Variants in FBXO4 observed in about 807,000 individuals in gnomAD.
FBXO4 encodes the protein F-box protein 4, also known as F-box only protein 4.
A neutral mutation model predicts 43.7 loss-of-function variants in FBXO4; 36 were observed. The ratio of observed to expected loss-of-function variants is 0.82; its 90% CI spans 0.63 to 1.09. The LOEUF is 1.09. Ranked by LOEUF, FBXO4 falls within the 50% of genes least tolerant of loss-of-function variation. The pLI, the probability that FBXO4 is intolerant of heterozygous loss-of-function variation, is 0.00. For missense variants in FBXO4, 435 were observed against 474.1 expected, an observed-to-expected ratio of 0.92 and a Z score of 0.77; for synonymous variants, 180 against 165.6, an observed-to-expected ratio of 1.09 and a Z score of -0.67.
intron 5 of FBXO4, among the ~76,000 whole-genome samples, chr5:41,937,304 A>G (rs1751876210): frequency 6.6e-6 from 1 of 152,246 alleles, no homozygotes; most frequent in Non-Finnish European, 1.5e-5. Context: ...CATACAGGCC[A>G]AGATAATAGT....
At chr5:42,025,262 A>G in the FBXO4 span, among the ~76,000 whole-genome samples, 6 of 151,966 alleles carry the variant, frequency 3.9e-5, no homozygotes, top group African/African-American at 1.4e-4. Context: ...CTGGGGTGAG[A>G]TGATATCTCA....
At chr5:42,021,849 A>G in the FBXO4 span, among the ~76,000 whole-genome samples, 5 of 152,186 alleles carry the variant, frequency 3.3e-5, no homozygotes, top group African/African-American at 1.2e-4. Flanking sequence ...GCAACAGAGA[A>G]AGAATAAAAG....
At chr5:42,038,538 C>T in the FBXO4 span, among the ~76,000 whole-genome samples, 5 of 152,062 alleles carry the variant, frequency 3.3e-5, no homozygotes, top group Non-Finnish European at 4.4e-5. Flanking sequence ...GTCATACAAG[C>T]ATACAATGTG....
chr5:41,925,422 T>G lies in FBXO4; in HGVS notation c.113T>G (p.Val38Gly), dbSNP rs1751450155. The change falls in exon 1 of 7, where the codon GTG becomes GGG. Residue 38 changes from valine to glycine, a missense_variant. Physicochemically the swap from Val to Gly is moderately radical, Grantham distance 109 (BLOSUM62 -3). Coordinates refer to ENST00000281623, the MANE Select transcript of FBXO4 (RefSeq NM_012176.3). Reference protein sequence around the residue: ...LSGWKTFWQSVSKERVARTTS... With the variant: ...LSGWKTFWQSGSKERVARTTS... Reference sequence around the variant, plus strand: ...GGCTGGAAGACCTTCTGGCAGTCAGTGAGCAAGGAGAGGGTGGCGCGTACG... The same window carrying G: ...GGCTGGAAGACCTTCTGGCAGTCAGGGAGCAAGGAGAGGGTGGCGCGTACG... The G allele has an allele frequency of 7.2e-7, 1 of 1,381,478 alleles. No individual in the cohort carries two copies. Among genetic ancestry groups the G allele is most frequent in the South Asian group, 1.7e-5 (1 of 60,074 alleles). The allele number at this position is 1,381,478 out of a possible 1,614,324, so 85.6% of individuals were successfully genotyped here. A position where few individuals can be genotyped will look rare whatever the true frequency, so the allele number is the denominator to read the frequency against.
chr5:41,973,881 T>G, the FBXO4 span, among the ~76,000 whole-genome samples: 1 of 152,234 alleles, frequency 6.6e-6, no homozygotes, highest in South Asian at 2.1e-4. Context: ...AACTTCTGCC[T>G]GAAAAATTTT....
the FBXO4 span, among the ~76,000 whole-genome samples, chr5:41,972,433 G>A: frequency 6.6e-6 from 1 of 151,928 alleles, no homozygotes; most frequent in Admixed American, 6.6e-5. Context: ...AAACACTGCT[G>A]AAAGAAACAA....
the FBXO4 span, among the ~76,000 whole-genome samples, chr5:41,966,534 C>T: frequency 1.3e-5 from 2 of 152,124 alleles, no homozygotes; most frequent in South Asian, 4.1e-4. Context: ...AGGAACAATC[C>T]TTAACACTTT....
chr5:42,028,468 T>C, the FBXO4 span, among the ~76,000 whole-genome samples: 2 of 151,822 alleles, frequency 1.3e-5, no homozygotes, highest in African/African-American at 4.8e-5. Flanking sequence ...CTTTCTTTTT[T>C]CATCCATTCA....
the FBXO4 span, among the ~76,000 whole-genome samples, chr5:42,004,535 AATAC>A: frequency 5.9e-5 from 9 of 152,198 alleles, no homozygotes; most frequent in Admixed American, 3.9e-4. Context: ...ACCATAGAAT[AATAC>A]ATGTAAGTTT....
At chr5:42,016,025 T>C in the FBXO4 span, among the ~76,000 whole-genome samples, 1 of 152,096 alleles carries the variant, frequency 6.6e-6, no homozygotes, top group African/African-American at 2.4e-5. Flanking sequence ...GTAGAAATGT[T>C]AAGTCTTGTG....
the FBXO4 span, among the ~76,000 whole-genome samples, chr5:41,954,189 A>C: frequency 3.3e-5 from 5 of 152,152 alleles, no homozygotes; most frequent in South Asian, 1.0e-3. Flanking sequence ...GAAATGCCTA[A>C]ATTTACCCAA....
the FBXO4 span, among the ~76,000 whole-genome samples, chr5:41,962,615 T>A: frequency 1.3e-5 from 2 of 152,198 alleles, no homozygotes; most frequent in African/African-American, 4.8e-5. Context: ...GCACACTGTG[T>A]GTCAGTGCGG....
downstream of FBXO4, among the ~76,000 whole-genome samples, chr5:41,946,658 T>C (rs567231937): frequency 6.6e-5 from 10 of 152,348 alleles, no homozygotes; most frequent in East Asian, 1.5e-3. Context: ...ACTACCATTA[T>C]GACAAATAAC....
At chr5:41,940,552 G>A (rs759666280) in intron 6 of FBXO4, among the ~76,000 whole-genome samples, 38 of 152,296 alleles carry the variant, frequency 2.5e-4, no homozygotes, top group African/African-American at 4.3e-4. Context: ...ATGAGCCACC[G>A]TGCCCAGCCC....
At chr5:41,963,695 C>T in the FBXO4 span, among the ~76,000 whole-genome samples, 4 of 152,198 alleles carry the variant, frequency 2.6e-5, no homozygotes, top group East Asian at 5.8e-4. Context: ...TAAAATTCTT[C>T]ATCTTCATTG....
chr5:41,940,940 A>C (rs1396569937), intron 6 of FBXO4, among the ~76,000 whole-genome samples: 2 of 152,212 alleles, frequency 1.3e-5, no homozygotes, highest in African/African-American at 2.4e-5. Flanking sequence ...CAAGTCATGG[A>C]AATGGTAGTT....
chr5:41,999,462 T>TATA, the FBXO4 span, among the ~76,000 whole-genome samples: 105 of 58,912 alleles, frequency 1.8e-3, 1 homozygote, highest in African/African-American at 3.8e-3. Flanking sequence ...TGTGTGTGTG[T>TATA]GTGTATATAT....
chr5:42,032,310 C>A, the FBXO4 span, among the ~76,000 whole-genome samples: 13 of 152,132 alleles, frequency 8.5e-5, no homozygotes, highest in Non-Finnish European at 1.3e-4. Flanking sequence ...TATGTCCTCC[C>A]CTGCAGTCTA....
At chr5:41,948,673 A>G in the FBXO4 span, among the ~76,000 whole-genome samples, 1 of 152,224 alleles carries the variant, frequency 6.6e-6, no homozygotes, top group Non-Finnish European at 1.5e-5. Flanking sequence ...TTTAAAAGAA[A>G]TTAAGATAGT....
Sources: allele counts gnomAD v4.1 joint callset (sites outside exome capture counted in the v4.1 genomes callset), GRCh38; gene constraint gnomAD v4.1.1; transcripts MANE v1.5; gene names NCBI Gene and HGNC (gene_info 2026-07-23, HGNC 2026-07-21).